FTCDNL1: variants seen among roughly 807,000 people sequenced by gnomAD.
The protein encoded by FTCDNL1 is formiminotransferase N-terminal subdomain-containing protein.
In FTCDNL1, 11 loss-of-function variants were observed where a neutral mutation model predicts 5.9. The ratio of observed to expected loss-of-function variants is 1.87; its 90% CI spans 1.18 to 3.10. FTCDNL1 has a LOEUF of 3.10. FTCDNL1 is among the 30% of genes most tolerant of loss of function. The pLI is 0.00. For missense variants in FTCDNL1, 115 were observed against 65.5 expected (o/e 1.76, Z -2.61); for synonymous variants, 58 against 24.8 (o/e 2.34, Z -3.99).
At chr2:199,731,799 A>C in the FTCDNL1 span, among the ~76,000 whole-genome samples, 7 of 151,168 alleles carry the variant, frequency 4.6e-5, no homozygotes, top group East Asian at 1.4e-3. Flanking sequence ...GAGGCAGGAG[A>C]ATGGCGAGAA....
At chr2:199,759,740 GA>G (rs1698194836), downstream of FTCDNL1, among the ~76,000 whole-genome samples, 1 of 152,204 alleles carries the variant, frequency 6.6e-6, no homozygotes, top group Non-Finnish European at 1.5e-5. Flanking sequence ...GTGGCTGTGA[GA>G]AGCTCATTTT....
downstream of FTCDNL1, among the ~76,000 whole-genome samples, chr2:199,806,101 TC>T (rs1700711416): frequency 6.6e-6 from 1 of 152,144 alleles, no homozygotes; most frequent in African/African-American, 2.4e-5. Flanking sequence ...GGCACAGTAA[TC>T]CAAAGGCAGT....
intron 1 of FTCDNL1, 98 bp from the exon 2 acceptor site, chr2:199,849,067 C>T: frequency 1.6e-6 from 1 of 631,806 alleles, no homozygotes; most frequent in South Asian, 1.9e-5. Flanking sequence ...ACGAAGCAGT[C>T]ATAATATGAG....
chr2:199,666,467 T>C, the FTCDNL1 span, among the ~76,000 whole-genome samples: 1 of 152,206 alleles, frequency 6.6e-6, no homozygotes, highest in Non-Finnish European at 1.5e-5. Flanking sequence ...ATTTGAAAAA[T>C]GGTCACACTG....
At chr2:199,749,054 G>A in the FTCDNL1 span, among the ~76,000 whole-genome samples, 1 of 152,108 alleles carries the variant, frequency 6.6e-6, no homozygotes, top group Non-Finnish European at 1.5e-5. Context: ...TGTTCTATAT[G>A]GGGAGCACCT....
intron 4 of FTCDNL1, chr2:199,819,351 C>T: frequency 1.8e-6 from 1 of 558,820 alleles, no homozygotes; most frequent in Admixed American, 3.1e-5. Flanking sequence ...TTGAATATCA[C>T]TTCTGGGGGC....
the FTCDNL1 span, among the ~76,000 whole-genome samples, chr2:199,713,686 T>C: frequency 6.6e-6 from 1 of 152,254 alleles, no homozygotes; most frequent in Admixed American, 6.5e-5. Context: ...TTTACTATGA[T>C]AGAATTTCAG....
At chr2:199,717,540 T>C in the FTCDNL1 span, among the ~76,000 whole-genome samples, 4 of 129,142 alleles carry the variant, frequency 3.1e-5, no homozygotes, top group African/African-American at 1.1e-4. Flanking sequence ...TTTTTTTGCT[T>C]CCTCACATCT....
the FTCDNL1 span, among the ~76,000 whole-genome samples, chr2:199,714,361 CAAT>C: frequency 1.3e-5 from 2 of 151,976 alleles, no homozygotes; most frequent in African/African-American, 4.8e-5. Context: ...AATTAACCAT[CAAT>C]AATGTTTATC....
downstream of FTCDNL1, among the ~76,000 whole-genome samples, chr2:199,807,741 C>A (rs1343614113): frequency 6.6e-6 from 1 of 152,180 alleles, no homozygotes; most frequent in Non-Finnish European, 1.5e-5. Flanking sequence ...AAACCATTAA[C>A]TAAACCTCAT....
downstream of FTCDNL1, among the ~76,000 whole-genome samples, chr2:199,806,957 G>C (rs1700757492): frequency 6.6e-6 from 1 of 152,206 alleles, no homozygotes; most frequent in African/African-American, 2.4e-5. Flanking sequence ...GGGTAAATAT[G>C]AACTATGAAG....
intron 3 of FTCDNL1, among the ~76,000 whole-genome samples, chr2:199,761,092 C>T (rs988737012): frequency 2.6e-5 from 4 of 152,338 alleles, no homozygotes; most frequent in African/African-American, 7.2e-5. Flanking sequence ...TTCAGTTAAT[C>T]GTTTGAATGT....
At chr2:199,820,455 A>C (rs1701614765) in intron 3 of FTCDNL1, among the ~76,000 whole-genome samples, 10 of 152,196 alleles carry the variant, frequency 6.6e-5, no homozygotes, top group Admixed American at 6.5e-4. Context: ...AACTAAAAAA[A>C]GAAAAGAAAA....
the FTCDNL1 span, among the ~76,000 whole-genome samples, chr2:199,723,679 A>T: frequency 6.6e-6 from 1 of 152,148 alleles, no homozygotes; most frequent in Non-Finnish European, 1.5e-5. Flanking sequence ...TATATGATGA[A>T]TTACATTTGT....
chr2:199,688,130 G>A, the FTCDNL1 span, among the ~76,000 whole-genome samples: 1 of 150,062 alleles, frequency 6.7e-6, no homozygotes, highest in Non-Finnish European at 1.5e-5. Context: ...TACTCAGGAG[G>A]GTAAGGCAGG....
intron 3 of FTCDNL1, among the ~76,000 whole-genome samples, chr2:199,836,635 T>G (rs2106615889): frequency 6.6e-6 from 1 of 152,228 alleles, no homozygotes; most frequent in East Asian, 1.9e-4. Context: ...GGCATGGTGG[T>G]ACATGCTGTA....
At chr2:199,756,785 G>A (rs1267303063), downstream of FTCDNL1, among the ~76,000 whole-genome samples, 1 of 152,194 alleles carries the variant, frequency 6.6e-6, no homozygotes, top group East Asian at 1.9e-4. Flanking sequence ...TGTTGCACAT[G>A]CATCCAGGGT....
chr2:199,846,840 A>C (rs4673509), intron 2 of FTCDNL1, among the ~76,000 whole-genome samples: 10,411 of 152,256 alleles, frequency 0.068, 499 homozygotes, highest in East Asian at 0.16. Flanking sequence ...TTTGAAGTTT[A>C]CAAGCATGGT....
At chr2:199,748,445 T>A in the FTCDNL1 span, among the ~76,000 whole-genome samples, 1 of 152,140 alleles carries the variant, frequency 6.6e-6, no homozygotes, top group East Asian at 1.9e-4. Flanking sequence ...AACTGCTTCT[T>A]CTCCTGTATT....
Sources: gnomAD v4.1 joint callset for allele counts (sites outside exome capture counted in the v4.1 genomes callset) on GRCh38, gnomAD v4.1.1 for gene constraint, MANE v1.5 for transcripts, NCBI Gene and HGNC (gene_info 2026-07-23, HGNC 2026-07-21) for gene names.